The following C16orf74 variants were observed in gnomAD, a reference collection of about 807,000 sequenced individuals.
C16orf74 encodes uncharacterized protein C16orf74.
Under a neutral mutation model 6.5 loss-of-function variants are expected in C16orf74, and 10 were observed. The observed-to-expected ratio is 1.54, with a 90% confidence interval of 0.95 to 2.61. The LOEUF (loss-of-function observed/expected upper bound fraction) is 2.61, where lower values mean the gene tolerates loss of function less well. Ranked by LOEUF, C16orf74 falls within the 30% of genes most tolerant of loss-of-function variation. The pLI, the probability that C16orf74 is intolerant of heterozygous loss-of-function variation, is 0.00. For missense variants in C16orf74, 141 were observed against 105.9 expected (o/e 1.33, Z -1.45); for synonymous variants, 60 against 42.5 (o/e 1.41, Z -1.60).
At chr16:85,719,593 GAT>G (rs1164911687) in intron 2 of C16orf74, among the ~76,000 whole-genome samples, 1 of 152,130 alleles carries the variant, frequency 6.6e-6, no homozygotes, top group Non-Finnish European at 1.5e-5. Flanking sequence ...GAAGCACAAA[GAT>G]ATTTCCAAGA....
intron 2 of C16orf74, among the ~76,000 whole-genome samples, chr16:85,731,315 A>C (rs2054184955): frequency 1.3e-5 from 2 of 152,268 alleles, no homozygotes. Context: ...TAAACTGAGC[A>C]TGGGGCCCTG....
At chr16:85,713,338 C>A (rs999419698) in intron 2 of C16orf74, among the ~76,000 whole-genome samples, 2 of 152,208 alleles carry the variant, frequency 1.3e-5, no homozygotes, top group Non-Finnish European at 2.9e-5. Flanking sequence ...GTGGCACAAT[C>A]TCAGCTCACT....
rs139037414 is a variant in C16orf74 at position 85,710,468 on chromosome 16, C to T, written c.29-161G>A. 1.6e-3 allele frequency: 930 copies of T among 583,552 alleles called. 2 individuals carry two copies. The highest frequency in any genetic ancestry group is 5.8e-3 in the African/African-American group (294 of 50,612). 36.1% of individuals were successfully genotyped at this position (583,552 alleles called of 1,614,324 possible). Reference sequence around the variant, plus strand: ...CTGTCCCCGCATCACAGATGAAAACCGGCGTCTCAGGAATGAAAAAGGAGC... The same window carrying T: ...CTGTCCCCGCATCACAGATGAAAACTGGCGTCTCAGGAATGAAAAAGGAGC... On this transcript the variant is annotated intron_variant, in intron 2 of 3. Coordinates refer to ENST00000284245, the MANE Select transcript of C16orf74 (RefSeq NM_206967.3).
chr16:85,722,859 A>C (rs1246817508), intron 2 of C16orf74, among the ~76,000 whole-genome samples: 2 of 152,220 alleles, frequency 1.3e-5, no homozygotes, highest in African/African-American at 4.8e-5. Flanking sequence ...CCACGGTGCC[A>C]GTGCCTTCAC....
At chr16:85,745,184 A>G (rs1169306166) in intron 1 of C16orf74, among the ~76,000 whole-genome samples, 1 of 149,724 alleles carries the variant, frequency 6.7e-6, no homozygotes, top group African/African-American at 2.5e-5. Flanking sequence ...CTGTCGCCAA[A>G]TGGTCACGGA....
chr16:85,726,953 T>A (rs2054140095), intron 2 of C16orf74, among the ~76,000 whole-genome samples: 1 of 152,190 alleles, frequency 6.6e-6, no homozygotes. Flanking sequence ...GCTGGGGTGC[T>A]TCCTGGGTGA....
intron 1 of C16orf74, among the ~76,000 whole-genome samples, chr16:85,749,475 G>A (rs1432243238): frequency 1.3e-5 from 2 of 151,940 alleles, no homozygotes; most frequent in African/African-American, 4.8e-5. Flanking sequence ...TAGCTGGGGG[G>A]ACTCACTGTG....
chr16:85,725,652 T>C (rs749040265), intron 2 of C16orf74, among the ~76,000 whole-genome samples: 31 of 152,088 alleles, frequency 2.0e-4, no homozygotes, highest in Non-Finnish European at 2.4e-4. Flanking sequence ...TTTTGGCAAT[T>C]TGGCAAAATT....
intron 2 of C16orf74, among the ~76,000 whole-genome samples, chr16:85,718,375 T>C (rs1447001718): frequency 2.0e-5 from 3 of 152,336 alleles, no homozygotes; most frequent in East Asian, 3.9e-4. Flanking sequence ...CTGATTCTTT[T>C]AAAAACAGCG....
chr16:85,717,903 G>A (rs1194086709), intron 2 of C16orf74, among the ~76,000 whole-genome samples: 1 of 152,166 alleles, frequency 6.6e-6, no homozygotes, highest in African/African-American at 2.4e-5. Flanking sequence ...GCAAGCCCGT[G>A]CCCGAGACGC....
intron 2 of C16orf74, among the ~76,000 whole-genome samples, chr16:85,732,399 C>T (rs539886320): frequency 1.3e-5 from 2 of 152,286 alleles, no homozygotes; most frequent in East Asian, 1.9e-4. Context: ...GGTGTGGTGG[C>T]TCACGCCTGT....
intron 2 of C16orf74, among the ~76,000 whole-genome samples, chr16:85,724,583 G>A (rs1266758383): frequency 6.6e-6 from 1 of 151,854 alleles, no homozygotes; most frequent in Non-Finnish European, 1.5e-5. Context: ...AGCTGAACCT[G>A]CCTGGTGAGG....
intron 2 of C16orf74, among the ~76,000 whole-genome samples, chr16:85,724,656 G>A (rs1029859275): frequency 6.6e-6 from 1 of 152,194 alleles, no homozygotes; most frequent in Non-Finnish European, 1.5e-5. Context: ...TGACGGGGAT[G>A]ATGGGAATCA....
chr16:85,742,318 A>G (rs2054317853), intron 1 of C16orf74, among the ~76,000 whole-genome samples: 1 of 151,706 alleles, frequency 6.6e-6, no homozygotes, highest in African/African-American at 2.4e-5. Context: ...AGTTGCAGTG[A>G]GCCGAGATCA....
At chr16:85,720,691 G>C (rs1000026284) in intron 2 of C16orf74, among the ~76,000 whole-genome samples, 1 of 147,478 alleles carries the variant, frequency 6.8e-6, no homozygotes, top group Admixed American at 6.8e-5. Flanking sequence ...AGGGAGGATT[G>C]CTTGAGCCCA....
intron 3 of C16orf74, among the ~76,000 whole-genome samples, 190 bp downstream of exon 3, chr16:85,709,974 G>A (rs1009897786): frequency 1.3e-5 from 2 of 152,260 alleles, no homozygotes; most frequent in East Asian, 1.9e-4. Flanking sequence ...ACGCCGCGTC[G>A]TGCTGAGGCT....
At chr16:85,726,908 C>A (rs1047993047) in intron 2 of C16orf74, among the ~76,000 whole-genome samples, 1 of 152,198 alleles carries the variant, frequency 6.6e-6, no homozygotes, top group African/African-American at 2.4e-5. Flanking sequence ...GAAACAGCCA[C>A]CCCTTCCCCG....
chr16:85,742,811 G>A (rs191785388), intron 1 of C16orf74, among the ~76,000 whole-genome samples: 3 of 152,304 alleles, frequency 2.0e-5, no homozygotes, highest in Non-Finnish European at 2.9e-5. Flanking sequence ...AAAGTGCTGG[G>A]ATTACAGGCG....
Position 85,708,053 on chromosome 16 carries a change from C to T in C16orf74, c.186G>A (p.Glu62=). 1 of 1,553,408 alleles carries T rather than the reference C, an allele frequency of 6.4e-7. No homozygotes were observed. The highest frequency in any genetic ancestry group is 8.7e-7 in the Non-Finnish European group (1 of 1,147,900). ...CTCCATCATCTGGGCACGACCCTGTCTCATCCAGCCAGACTAGGAGAAAGA... is the reference window on the plus strand; with the variant it reads ...CTCCATCATCTGGGCACGACCCTGTTTCATCCAGCCAGACTAGGAGAAAGA... ...RDLGSTVWLD[E]TGSCPDDGEI... is the part of the protein sequence containing the mutation. The change falls in exon 4 of 4, where the codon GAG becomes GAA. Residue 62 remains glutamate, a synonymous_variant. Coordinates refer to ENST00000284245, the MANE Select transcript of C16orf74 (RefSeq NM_206967.3).
Sources: gnomAD v4.1 joint callset for allele counts (sites outside exome capture counted in the v4.1 genomes callset) on GRCh38, gnomAD v4.1.1 for gene constraint, MANE v1.5 for transcripts, NCBI Gene and HGNC (gene_info 2026-07-23, HGNC 2026-07-21) for gene names.